Variants in TRAPPC9 observed in about 807,000 individuals in gnomAD.
The protein encoded by TRAPPC9 is IKK2 binding protein.
TRAPPC9 carries 83 observed loss-of-function variants against 124.0 expected under a neutral mutation model. The ratio of observed to expected loss-of-function variants is 0.67; its 90% confidence interval spans 0.56 to 0.80. TRAPPC9 has a LOEUF of 0.80. Among genes scored for constraint, TRAPPC9 ranks in the 30% least tolerant of loss-of-function variants. TRAPPC9 has a pLI of 0.00. For missense variants in TRAPPC9, 1,302 were observed against 1,508.3 expected (o/e 0.86, Z 2.27); for synonymous variants, 638 against 617.5 (o/e 1.03, Z -0.49).
intron 21 of TRAPPC9, among the ~76,000 whole-genome samples, chr8:139,783,726 A>G (rs1412864990): frequency 1.3e-4 from 20 of 152,238 alleles, no homozygotes. Context: ...CCTTATAAAC[A>G]TAGATTAAAA....
intron 21 of TRAPPC9, among the ~76,000 whole-genome samples, chr8:139,753,856 T>A (rs900673361): frequency 6.6e-6 from 1 of 152,130 alleles, no homozygotes; most frequent in African/African-American, 2.4e-5. Flanking sequence ...GCCACCCCCC[T>A]CTCCTCGCCT....
At chr8:140,337,098 T>C (rs1023591823) in intron 9 of TRAPPC9, among the ~76,000 whole-genome samples, 9 of 152,130 alleles carry the variant, frequency 5.9e-5, no homozygotes, top group Non-Finnish European at 1.2e-4. Flanking sequence ...TGACCCAGGA[T>C]GTGGGGTCAG....
rs566149408 is a variant in TRAPPC9 at position 139,806,736 on chromosome 8, C to A, written c.3056-74534G>T. Among the ~76,000 whole-genome samples the A allele has an allele frequency of 4.6e-5, 7 of 152,330 alleles. No homozygotes were observed. The South Asian group carries it at 1.2e-3, about 27-fold the overall frequency. On this transcript the variant is annotated intron_variant, in intron 21 of 22. Coordinates refer to ENST00000438773, the MANE Select transcript of TRAPPC9 (RefSeq NM_001160372.4). ...ATTTCTGTTGCTGGCAGTTAAGAACCCTGATTCTCAAGCAGCAGCTGCAGG... is the reference window on the plus strand; with the variant it reads ...ATTTCTGTTGCTGGCAGTTAAGAACACTGATTCTCAAGCAGCAGCTGCAGG...
chr8:139,857,260 C>T (rs1460445265), intron 21 of TRAPPC9, among the ~76,000 whole-genome samples: 1 of 152,200 alleles, frequency 6.6e-6, no homozygotes, highest in Non-Finnish European at 1.5e-5. Flanking sequence ...TCGCAGGACA[C>T]ACGCAGGAGT....
intron 9 of TRAPPC9, among the ~76,000 whole-genome samples, chr8:140,317,729 T>C (rs1453618326): frequency 6.6e-6 from 1 of 152,244 alleles, no homozygotes; most frequent in African/African-American, 2.4e-5. Flanking sequence ...TTACATTTAC[T>C]GAGCACTTAC....
At chr8:139,777,251 A>T (rs1423048451) in intron 21 of TRAPPC9, among the ~76,000 whole-genome samples, 1 of 152,230 alleles carries the variant, frequency 6.6e-6, no homozygotes, top group Non-Finnish European at 1.5e-5. Flanking sequence ...CCTTAGGGAC[A>T]GGGCTGAGCA....
chr8:140,166,120 A>T (rs1414243668), intron 17 of TRAPPC9, among the ~76,000 whole-genome samples: 1 of 152,234 alleles, frequency 6.6e-6, no homozygotes, highest in African/African-American at 2.4e-5. Context: ...CCTCAGTGCG[A>T]TAACACTCAT....
intron 19 of TRAPPC9, among the ~76,000 whole-genome samples, chr8:139,976,323 T>C (rs1214907656): frequency 6.6e-6 from 1 of 152,122 alleles, no homozygotes; most frequent in African/African-American, 2.4e-5. Flanking sequence ...TTTAAAACTA[T>C]AAAACTTCTA....
chr8:140,325,261 C>G (rs759676487), intron 9 of TRAPPC9, among the ~76,000 whole-genome samples: 1 of 151,870 alleles, frequency 6.6e-6, no homozygotes, highest in Non-Finnish European at 1.5e-5. Flanking sequence ...AGGTCCCAAA[C>G]CAATATCTAA....
At chr8:139,873,413 T>C (rs955657851) in intron 21 of TRAPPC9, among the ~76,000 whole-genome samples, 1 of 152,184 alleles carries the variant, frequency 6.6e-6, no homozygotes, top group Non-Finnish European at 1.5e-5. Context: ...TGGGCAGAAC[T>C]GTCCCTTTCT....
intron 14 of TRAPPC9, among the ~76,000 whole-genome samples, chr8:140,278,406 G>A (rs928963028): frequency 6.6e-6 from 1 of 152,146 alleles, no homozygotes; most frequent in Non-Finnish European, 1.5e-5. Context: ...GCACCCGGCC[G>A]TGACAATATT....
chr8:140,128,129 A>G (rs899993442), intron 17 of TRAPPC9, among the ~76,000 whole-genome samples: 33 of 152,374 alleles, frequency 2.2e-4, no homozygotes, highest in African/African-American at 7.5e-4. Flanking sequence ...ATTTGTTTTT[A>G]TCAATACCAA....
At chr8:140,139,224 G>A (rs529574856) in intron 17 of TRAPPC9, among the ~76,000 whole-genome samples, 265 of 152,190 alleles carry the variant, frequency 1.7e-3, no homozygotes, top group Non-Finnish European at 3.1e-3. Flanking sequence ...TCCCACTGCC[G>A]GGAGCCTGTC....
intron 17 of TRAPPC9, among the ~76,000 whole-genome samples, chr8:140,164,337 C>A (rs2061797855): frequency 6.6e-6 from 1 of 152,236 alleles, no homozygotes; most frequent in Non-Finnish European, 1.5e-5. Context: ...GTCAACAAAT[C>A]CACATTGCCA....
chr8:140,220,010 G>A (rs1180168665), intron 17 of TRAPPC9, among the ~76,000 whole-genome samples: 1 of 152,194 alleles, frequency 6.6e-6, no homozygotes, highest in African/African-American at 2.4e-5. Context: ...CAAAGCTCCA[G>A]GGCACCTGGG....
At chr8:140,204,371 G>T (rs2062870149) in intron 17 of TRAPPC9, among the ~76,000 whole-genome samples, 1 of 150,814 alleles carries the variant, frequency 6.6e-6, no homozygotes, top group African/African-American at 2.4e-5. Context: ...ACTATCGCAA[G>T]GACAGAAAAC....
chr8:139,910,870 G>T (rs1427596772), intron 19 of TRAPPC9, among the ~76,000 whole-genome samples: 3 of 152,124 alleles, frequency 2.0e-5, no homozygotes, highest in South Asian at 2.1e-4. Flanking sequence ...GCTTGTTTTT[G>T]ATTTTACAGG....
Position 140,241,110 on chromosome 8 carries a change from CCATT to C in TRAPPC9, c.2431+11663_2431+11666del, listed in dbSNP as rs772153910. Among the ~76,000 whole-genome samples, 1 of 152,154 alleles carries C rather than the reference CCATT, an allele frequency of 6.6e-6. No individual in the cohort carries two copies. Among genetic ancestry groups the C allele is most frequent in the Non-Finnish European group, 1.5e-5 (1 of 68,016 alleles). ...TCTTTAGTCAGGACCTGTTCAAAGA[CCATT>C]CAGGCCGGGTGTGGTGGCTCACACC... On this transcript the variant is annotated intron_variant, in intron 16 of 22. Coordinates refer to ENST00000438773, the MANE Select transcript of TRAPPC9 (RefSeq NM_001160372.4). This position sits in a 1 kb window ranked among gnomAD's most constrained non-coding sequence, Gnocchi z 5.0.
chr8:140,022,007 G>C (rs1421022969), intron 18 of TRAPPC9, among the ~76,000 whole-genome samples: 2 of 152,220 alleles, frequency 1.3e-5, no homozygotes, highest in Non-Finnish European at 2.9e-5. Context: ...TATGGGACTG[G>C]GGCAAAGGGA....
Sources: allele counts gnomAD v4.1 joint callset (sites outside exome capture counted in the v4.1 genomes callset), GRCh38; gene constraint gnomAD v4.1.1; non-coding constraint Gnocchi (gnomAD v3.1); transcripts MANE v1.5; gene names NCBI Gene and HGNC (gene_info 2026-07-23, HGNC 2026-07-21).